RERE: variants seen among roughly 807,000 people sequenced by gnomAD.
The protein encoded by RERE is arginine-glutamic acid dipeptide repeats.
In RERE, 40 loss-of-function variants were observed where a neutral mutation model predicts 146.1. The observed-to-expected ratio is 0.27, with a 90% CI of 0.21 to 0.36. The LOEUF is 0.36. Among genes scored for constraint, RERE ranks in the 10% least tolerant of loss-of-function variants. RERE has a pLI of 1.00. For missense variants in RERE, 1,933 were observed against 2,138.7 expected, an observed-to-expected ratio of 0.90 and a Z score of 1.90; for synonymous variants, 1,003 against 866.0, an observed-to-expected ratio of 1.16 and a Z score of -2.78.
chr1:8,794,647 T>C (rs1430860805), intron 1 of RERE, among the ~76,000 whole-genome samples: 1 of 150,342 alleles, frequency 6.7e-6, no homozygotes, highest in Non-Finnish European at 1.5e-5. Flanking sequence ...CTGTAATCCC[T>C]GCACTTTGGG....
At chr1:8,724,024 G>C (rs1339481970) in intron 1 of RERE, among the ~76,000 whole-genome samples, 1 of 145,312 alleles carries the variant, frequency 6.9e-6, no homozygotes, top group Non-Finnish European at 1.5e-5. Flanking sequence ...CAAAGATTTT[G>C]TTCCATAGCC....
intron 1 of RERE, among the ~76,000 whole-genome samples, chr1:8,815,841 G>A (rs1488091498): frequency 2.8e-5 from 4 of 142,786 alleles, no homozygotes; most frequent in South Asian, 2.1e-4. Flanking sequence ...GTGTGTGTGT[G>A]TATGTGTGTG....
At chr1:8,590,379 C>T (rs1646477784) in intron 4 of RERE, among the ~76,000 whole-genome samples, 1 of 152,130 alleles carries the variant, frequency 6.6e-6, no homozygotes, top group Non-Finnish European at 1.5e-5. Context: ...AATCCACACT[C>T]AACAGTACTA....
At chr1:8,786,631 G>A (rs1312144386) in intron 1 of RERE, 3 of 768,986 alleles carry the variant, frequency 3.9e-6, no homozygotes, top group South Asian at 1.3e-5. Flanking sequence ...TCAGACCTCT[G>A]GGCTCACACC....
At chr1:8,544,121 G>A (rs11808522) in intron 6 of RERE, among the ~76,000 whole-genome samples, 5,938 of 152,172 alleles carry the variant, frequency 0.039, 387 homozygotes, top group African/African-American at 0.14. Context: ...TAATTGACTG[G>A]TTTCCTCCTT....
At chr1:8,490,343 C>CAAAAAAAAAAA (rs530925995) in intron 10 of RERE, among the ~76,000 whole-genome samples, 1 of 75,384 alleles carries the variant, frequency 1.3e-5, no homozygotes. Flanking sequence ...GGCAACATCT[C>CAAAAAAAAAAA]AAAAAAAAAA....
At chr1:8,451,777 C>G (rs541183500) in intron 11 of RERE, among the ~76,000 whole-genome samples, 1 of 152,234 alleles carries the variant, frequency 6.6e-6, no homozygotes, top group Admixed American at 6.5e-5. Flanking sequence ...TACAGGCCAG[C>G]ATTGGGGCAT....
At chr1:8,447,810 C>G (rs1405699802) in intron 11 of RERE, among the ~76,000 whole-genome samples, 1 of 152,226 alleles carries the variant, frequency 6.6e-6, no homozygotes, top group East Asian at 1.9e-4. Context: ...CACCCCACCT[C>G]CAGATCCAAC....
intron 12 of RERE, among the ~76,000 whole-genome samples, chr1:8,373,472 T>TCC (rs1372714568): frequency 6.6e-6 from 1 of 151,920 alleles, no homozygotes; most frequent in Non-Finnish European, 1.5e-5. Flanking sequence ...CAGGGAGAAA[T>TCC]CCCAGCAAGC....
Position 8,815,829 on chromosome 1 carries a change from T to TTGTGTGTGTGTGTG in RERE, c.-145+1330_-145+1331insCACACACACACACA, listed in dbSNP as rs539845789. Among the ~76,000 whole-genome samples, 1,272 of 149,934 alleles carry TTGTGTGTGTGTGTG rather than the reference T, an allele frequency of 8.5e-3. 8 individuals are homozygous for TTGTGTGTGTGTGTG. The highest frequency in any genetic ancestry group is 0.014 in the Admixed American group (211 of 15,052). On this transcript the variant is annotated intron_variant, in intron 1 of 22. Transcript: ENST00000400908. ...AGAACAATGAGCCCTCAGCTTGGTA[T>TTGTGTGTGTGTGTG]TGTGTGTGTGTGTATGTGTGTGTGT...
In RERE at chr1:8,441,178, G is replaced by C. The variant is rs534411449; in HGVS notation, c.1204-18371C>G. 9.2e-5 allele frequency among the ~76,000 whole-genome samples: 14 copies of C among 152,192 alleles called. No individual in the cohort carries two copies. The East Asian group carries it at 1.9e-3, about 21-fold the overall frequency. On this transcript the variant is annotated intron_variant, in intron 11 of 22. Coordinates refer to ENST00000400908, the MANE Select transcript of RERE (RefSeq NM_001042681.2). ...TCACACCACTAGCCCAGCTCCTATGGGGGCGTGGGTTTCCTTGACTCTCCC... is the reference window on the plus strand; with the variant it reads ...TCACACCACTAGCCCAGCTCCTATGCGGGCGTGGGTTTCCTTGACTCTCCC...
intron 2 of RERE, among the ~76,000 whole-genome samples, chr1:8,653,800 T>C (rs74050265): frequency 0.023 from 3,499 of 152,138 alleles, 126 homozygotes; most frequent in African/African-American, 0.079. Context: ...TGAGAGATTC[T>C]TCAGTCACTA....
intron 12 of RERE, among the ~76,000 whole-genome samples, chr1:8,380,262 C>T (rs181086286): frequency 2.0e-5 from 3 of 152,238 alleles, no homozygotes; most frequent in Admixed American, 2.0e-4. Context: ...AGCCTCAGAG[C>T]AAGCCATGCT....
At chr1:8,782,558 A>G (rs1390375999) in intron 1 of RERE, among the ~76,000 whole-genome samples, 8 of 152,100 alleles carry the variant, frequency 5.3e-5, no homozygotes, top group Non-Finnish European at 1.0e-4. Flanking sequence ...AAAACTGTCT[A>G]CTTGGCATCT....
In RERE at chr1:8,456,007, T is replaced by A. The variant is rs191605563; in HGVS notation, c.1203+9918A>T. Among the ~76,000 whole-genome samples the A allele has an allele frequency of 5.3e-4, 81 of 152,270 alleles. 1 individual carries two copies. The highest frequency in any genetic ancestry group is 8.3e-4 in the South Asian group (4 of 4,814). On this transcript the variant is annotated intron_variant, in intron 11 of 22. Transcript: ENST00000400908. The stretch of plus-strand genomic sequence containing the variant: ...CATTAAGCTTGGCCCAGCATTCTAG[T>A]TAGTCAGTGCACGTAGCATCCATCC...
intron 1 of RERE, among the ~76,000 whole-genome samples, chr1:8,770,010 G>A (rs1000548789): frequency 3.9e-5 from 6 of 152,062 alleles, no homozygotes; most frequent in South Asian, 2.1e-4. Flanking sequence ...GATTGGTCTT[G>A]AACTCCCGAC....
chr1:8,454,048 G>A (rs1198254376), intron 11 of RERE, among the ~76,000 whole-genome samples: 1 of 152,170 alleles, frequency 6.6e-6, no homozygotes, highest in East Asian at 1.9e-4. Context: ...GTTGAGGGGA[G>A]CACAAGGGAC....
At chr1:8,610,968 G>A (rs1033639981) in intron 4 of RERE, among the ~76,000 whole-genome samples, 5 of 151,644 alleles carry the variant, frequency 3.3e-5, no homozygotes, top group Non-Finnish European at 7.4e-5. Context: ...GCCTAGGTGG[G>A]GGGATCATGA....
At chr1:8,414,602 T>C (rs1402082859) in intron 12 of RERE, among the ~76,000 whole-genome samples, 4 of 148,834 alleles carry the variant, frequency 2.7e-5, no homozygotes, top group Non-Finnish European at 5.9e-5. Context: ...GGGATTATGA[T>C]ACCACAATTG....
Sources: allele counts gnomAD v4.1 joint callset (sites outside exome capture counted in the v4.1 genomes callset), GRCh38; gene constraint gnomAD v4.1.1; transcripts MANE v1.5; gene names NCBI Gene and HGNC (gene_info 2026-07-23, HGNC 2026-07-21).